ASIC1: variants seen among roughly 807,000 people sequenced by gnomAD.
ASIC1 encodes acid-sensing ion channel 1.
ASIC1 carries 21 observed loss-of-function variants against 63.4 expected under a neutral mutation model. The observed-to-expected ratio is 0.33, with a 90% CI of 0.23 to 0.48. The LOEUF is 0.48. Ranked by LOEUF, ASIC1 falls within the 20% of genes least tolerant of loss-of-function variation. ASIC1 has a pLI of 0.99. For missense variants in ASIC1, 478 were observed against 695.5 expected, an observed-to-expected ratio of 0.69 and a Z score of 3.52; for synonymous variants, 258 against 278.2, an observed-to-expected ratio of 0.93 and a Z score of 0.72.
At position 50,059,263 on chromosome 12, in the gene ASIC1, C is replaced by T. The variant is rs1950478108; in HGVS notation, c.362+135C>T. 1 of 1,296,124 alleles carries T rather than the reference C, an allele frequency of 7.7e-7. No homozygotes were observed. 80.3% of individuals were successfully genotyped at this position (1,296,124 alleles called of 1,614,324 possible). ...CCCACCCCCACCCCCAAACCTGCCACTCACAGCAGAGGAGTTAGGGTGCTG... is the reference window on the plus strand; with the variant it reads ...CCCACCCCCACCCCCAAACCTGCCATTCACAGCAGAGGAGTTAGGGTGCTG... On this transcript the variant is annotated intron_variant, in intron 2 of 11. Transcript: ENST00000447966. This position sits in a 1 kb window ranked among gnomAD's most constrained non-coding sequence, Gnocchi z 4.6.
At chr12:50,080,341 A>G (rs1356715875) in intron 8 of ASIC1, 157 bp from the exon 9 acceptor site, 2 of 802,210 alleles carry the variant, frequency 2.5e-6, no homozygotes, top group African/African-American at 1.7e-5. Context: ...CATATATGCC[A>G]TCTCATTTAA....
intron 3 of ASIC1, among the ~76,000 whole-genome samples, chr12:50,076,592 A>G (rs1565731074): frequency 6.6e-6 from 1 of 152,104 alleles, no homozygotes; most frequent in South Asian, 2.1e-4. Context: ...AAGTGTCCCA[A>G]GGAGGGGCCG....
In ASIC1 at chr12:50,080,362, C is replaced by T. The variant is rs1197443267; in HGVS notation, c.1206-136C>T. 8.0e-6 allele frequency: 7 copies of T among 880,366 alleles called. No individual in the cohort carries two copies. In the East Asian group the frequency reaches 1.6e-4, roughly 20 times the overall value. The allele number at this position is 880,366 out of a possible 1,614,324, so 54.5% of individuals were successfully genotyped here. A position where few individuals can be genotyped will look rare whatever the true frequency, so the allele number is the denominator to read the frequency against. ...TGCCATCTCATTTAATCCTAAAAGG[C>T]AGGTATCTCCATCAGCATCTCATTT... On this transcript the variant is annotated intron_variant, in intron 8 of 11. Transcript: ENST00000447966.
intron 3 of ASIC1, among the ~76,000 whole-genome samples, chr12:50,068,031 T>A (rs1409981574): frequency 6.6e-6 from 1 of 152,178 alleles, no homozygotes; most frequent in Non-Finnish European, 1.5e-5. Context: ...TGCTACCCCA[T>A]AAGAGTTAAC....
At chr12:50,065,518 G>A (rs939091102) in intron 3 of ASIC1, among the ~76,000 whole-genome samples, 8 of 152,238 alleles carry the variant, frequency 5.3e-5, no homozygotes, top group African/African-American at 1.9e-4. Flanking sequence ...ATGTGTAATG[G>A]ATGTGCAGCG....
intron 8 of ASIC1, 175 bp from the exon 9 acceptor site, chr12:50,080,323 C>A: frequency 1.3e-6 from 1 of 781,924 alleles, no homozygotes; most frequent in Non-Finnish European, 2.1e-6. Context: ...TGGTACAGAA[C>A]ATTTTTTCAT....
At position 50,081,590 on chromosome 12, in the gene ASIC1, G is replaced by T. The variant is rs1454280572; in HGVS notation, c.1528G>T (p.Ala510Ser). 9.3e-6 allele frequency: 15 copies of T among 1,613,952 alleles called. No homozygotes were observed. Among genetic ancestry groups the T allele is most frequent in the Non-Finnish European group, 1.2e-5 (14 of 1,179,968 alleles). Residue 510 changes from alanine (A) to serine (S), a missense_variant, in exon 12 of 12, where the codon GCT (alanine) becomes TCT (serine). Physicochemically the swap from Ala to Ser is moderately conservative, Grantham distance 99. Transcript: ENST00000447966. ...GGGCCACCCTGCCGGGATGACATAC[G>T]CTGCCAACATCCTACCTCACCATCC... The part of the protein sequence containing the change: ...LRGHPAGMTY[A>S]ANILPHHPAR...
intron 3 of ASIC1, among the ~76,000 whole-genome samples, chr12:50,066,375 T>C (rs559788789): frequency 6.6e-6 from 1 of 152,072 alleles, no homozygotes; most frequent in East Asian, 1.9e-4. Context: ...GGAGTGTGTA[T>C]GGAGGAGGGT....
intron 4 of ASIC1, 64 bp from the exon 5 acceptor site, chr12:50,077,936 C>T: frequency 6.5e-7 from 1 of 1,550,168 alleles, no homozygotes; most frequent in South Asian, 1.2e-5. Flanking sequence ...TAGGATGCCC[C>T]CAGGTCTGAG....
intron 3 of ASIC1, among the ~76,000 whole-genome samples, chr12:50,063,701 C>T (rs1311612763): frequency 6.6e-6 from 1 of 152,058 alleles, no homozygotes; most frequent in Non-Finnish European, 1.5e-5. Context: ...CCCGGGCATC[C>T]CCTGGAGCAC....
Position 50,059,699 on chromosome 12 carries a change from G to A in ASIC1, c.363-60G>A. The A allele has an allele frequency of 1.9e-6, 3 of 1,546,616 alleles. No homozygotes were observed. The highest frequency in any genetic ancestry group is 2.6e-6 in the Non-Finnish European group (3 of 1,137,770). On this transcript the variant is annotated intron_variant, in intron 2 of 11. Transcript: ENST00000447966. The surrounding 1 kb of genome is among the most constrained non-coding windows in gnomAD (Gnocchi z 4.6). ...GCTGGAGGCTGCCCCCATCACCCAAGTTGGGTGCAGGACACTGATGACTGT... is the reference window on the plus strand; with the variant it reads ...GCTGGAGGCTGCCCCCATCACCCAAATTGGGTGCAGGACACTGATGACTGT...
intron 8 of ASIC1, 48 bp from the exon 9 acceptor site, chr12:50,080,450 A>G (rs1342439358): frequency 6.4e-7 from 1 of 1,571,496 alleles, no homozygotes; most frequent in South Asian, 1.1e-5. Flanking sequence ...TTAGTAAGAG[A>G]TAGAGATATG....
At chr12:50,081,406 T>A (rs2078838470) in intron 11 of ASIC1, 42 bp downstream of exon 11, 8 of 1,545,356 alleles carry the variant, frequency 5.2e-6, no homozygotes, top group African/African-American at 1.4e-5. Context: ...CGCCTGTGCC[T>A]CCACCGCCCC....
intron 3 of ASIC1, among the ~76,000 whole-genome samples, chr12:50,075,488 C>T (rs1316323117): frequency 6.6e-6 from 1 of 152,222 alleles, no homozygotes; most frequent in Non-Finnish European, 1.5e-5. Context: ...TATGTCCAGC[C>T]TGGAGCCTGT....
Position 50,078,139 on chromosome 12 carries a change from A to G in ASIC1, c.837+12A>G, listed in dbSNP as rs1253185230. The G allele has an allele frequency of 1.9e-6, 3 of 1,609,796 alleles. No homozygotes were observed. The highest frequency in any genetic ancestry group is 2.5e-6 in the Non-Finnish European group (3 of 1,177,868). ...GCCAGGAGCAGCGGGTGAGAGGGCC[A>G]TGGGAGGCTGGTCCTGGGGTGGGGT... On this transcript the variant is annotated intron_variant, in intron 5 of 11. Transcript: ENST00000447966. The surrounding 1 kb of genome is among the most constrained non-coding windows in gnomAD (Gnocchi z 6.0).
In ASIC1 at chr12:50,074,860, C is replaced by CTG. The variant is rs376276861; in HGVS notation, c.559-2307_559-2306dup. 0.032 allele frequency among the ~76,000 whole-genome samples: 4,571 copies of CTG among 141,414 alleles called. 95 individuals are homozygous for CTG. The highest frequency in any genetic ancestry group is 0.061 in the Middle Eastern group (17 of 278). 92.8% of individuals were successfully genotyped at this position (141,414 alleles called of 152,430 possible). On this transcript the variant is annotated intron_variant, in intron 3 of 11. Coordinates refer to ENST00000447966, the MANE Select transcript of ASIC1 (RefSeq NM_001095.4). The surrounding 1 kb of genome is among the most constrained non-coding windows in gnomAD (Gnocchi z 4.2). ...TATGGACGCCCCACCCCCACCAGCT[C>CTG]TGTGTGTGTGTGTGTGTGTGTGTGT...
At chr12:50,070,530 A>G (rs998527800) in intron 3 of ASIC1, among the ~76,000 whole-genome samples, 1 of 152,054 alleles carries the variant, frequency 6.6e-6, no homozygotes, top group Non-Finnish European at 1.5e-5. Context: ...GTTGCACCCA[A>G]CTTACTGTCC....
intron 3 of ASIC1, chr12:50,073,537 TC>T: frequency 3.4e-6 from 5 of 1,459,494 alleles, no homozygotes; most frequent in Non-Finnish European, 3.6e-6. Context: ...TCTGGCACCT[TC>T]CCCCTTCCTC....
chr12:50,077,449 G>C, intron 4 of ASIC1, 86 bp downstream of exon 4: 1 of 1,562,938 alleles, frequency 6.4e-7, no homozygotes, highest in Non-Finnish European at 8.7e-7. Context: ...TGTGAGACCT[G>C]GGCAGGGCCC....
Sources: allele counts gnomAD v4.1 joint callset (sites outside exome capture counted in the v4.1 genomes callset), GRCh38; gene constraint gnomAD v4.1.1; non-coding constraint Gnocchi (gnomAD v3.1); transcripts MANE v1.5; gene names NCBI Gene and HGNC (gene_info 2026-07-23, HGNC 2026-07-21).